KCNQ3: variants seen among roughly 807,000 people sequenced by gnomAD.
KCNQ3 encodes potassium voltage-gated channel subfamily KQT member 3.
In KCNQ3, 30 loss-of-function variants were observed where a neutral mutation model predicts 92.5. The observed-to-expected ratio is 0.32, with a 90% confidence interval of 0.24 to 0.44. The LOEUF (loss-of-function observed/expected upper bound fraction) is 0.44, where lower values mean the gene tolerates loss of function less well. Among genes scored for constraint, KCNQ3 ranks in the 20% least tolerant of loss-of-function variants. The pLI is 1.00. For synonymous variants in KCNQ3, 450 were observed against 468.8 expected (o/e 0.96, Z 0.52); for missense variants, 913 against 1,140.3 (o/e 0.80, Z 2.87).
intron 1 of KCNQ3, among the ~76,000 whole-genome samples, chr8:132,286,852 G>A (rs572199160): frequency 4.1e-4 from 62 of 152,308 alleles, no homozygotes; most frequent in African/African-American, 1.3e-3. Flanking sequence ...GAATGGATTA[G>A]TTCCCATCCC....
chr8:132,269,011 A>G (rs1332199872), intron 1 of KCNQ3, among the ~76,000 whole-genome samples: 1 of 152,180 alleles, frequency 6.6e-6, no homozygotes, highest in East Asian at 1.9e-4. Context: ...ACATCTTTTC[A>G]TATACTTATT....
intron 1 of KCNQ3, among the ~76,000 whole-genome samples, chr8:132,253,067 G>A (rs1264517517): frequency 3.9e-5 from 6 of 152,114 alleles, no homozygotes; most frequent in African/African-American, 1.4e-4. Context: ...ATTTTACAAC[G>A]GCACTTCTGC....
intron 4 of KCNQ3, among the ~76,000 whole-genome samples, chr8:132,176,493 ACTGT>A (rs777115445): frequency 6.6e-6 from 1 of 152,210 alleles, no homozygotes; most frequent in African/African-American, 2.4e-5. Context: ...GAGATTTAAG[ACTGT>A]CTGTCATTCT....
At chr8:132,471,928 T>A (rs975734558) in intron 1 of KCNQ3, among the ~76,000 whole-genome samples, 7 of 151,488 alleles carry the variant, frequency 4.6e-5, no homozygotes, top group African/African-American at 1.7e-4. Context: ...AAACAAATAA[T>A]CCCATTACAA....
intron 1 of KCNQ3, among the ~76,000 whole-genome samples, chr8:132,323,936 C>T (rs188406195): frequency 6.6e-6 from 1 of 152,294 alleles, no homozygotes; most frequent in East Asian, 1.9e-4. Context: ...CAATCAAGAC[C>T]CTCCAGTCTG....
chr8:132,135,199 G>T (rs964925890), intron 12 of KCNQ3, among the ~76,000 whole-genome samples: 1 of 152,160 alleles, frequency 6.6e-6, no homozygotes, highest in Admixed American at 6.5e-5. Context: ...GCATTAGTTT[G>T]CTAAGGATAA....
chr8:132,204,313 A>G (rs539247663), intron 1 of KCNQ3, among the ~76,000 whole-genome samples: 14 of 152,280 alleles, frequency 9.2e-5, no homozygotes, highest in African/African-American at 1.2e-4. Context: ...GCCTTATTCT[A>G]TGTTTTCATA....
At chr8:132,391,953 C>T (rs531081950) in intron 1 of KCNQ3, among the ~76,000 whole-genome samples, 4 of 152,206 alleles carry the variant, frequency 2.6e-5, no homozygotes, top group South Asian at 4.1e-4. Flanking sequence ...AAAGCCTCAC[C>T]GAATATACAC....
chr8:132,380,124 C>T (rs981427666), intron 1 of KCNQ3, among the ~76,000 whole-genome samples: 1 of 152,066 alleles, frequency 6.6e-6, no homozygotes, highest in Non-Finnish European at 1.5e-5. Context: ...TAGCCCATTG[C>T]CTCATTTTTG....
At chr8:132,372,773 CA>C (rs60597689) in intron 1 of KCNQ3, among the ~76,000 whole-genome samples, 19 of 104,114 alleles carry the variant, frequency 1.8e-4, no homozygotes, top group East Asian at 1.6e-3. Flanking sequence ...AAAAAAAAAA[CA>C]AAAAAAAAAA....
rs769759916 is a variant in KCNQ3 at position 132,124,734 on chromosome 8, C to A, written c.*4528G>T. The A allele has an allele frequency of 1.3e-5, 2 of 152,174 alleles. No individual in the cohort carries two copies. The highest frequency in any genetic ancestry group is 1.9e-4 in the East Asian group (1 of 5,204). The allele number at this position is 152,174 out of a possible 1,614,324, so 9.4% of individuals were successfully genotyped here. ...TTAAAAGTTCATCCTGAAAAACAAG[C>A]CTTCAAGGACAAGTGAGGACATGAA... On this transcript the variant is annotated 3_prime_UTR_variant, in exon 15 of 15. Transcript: ENST00000388996.
chr8:132,260,082 A>G (rs1451677779), intron 1 of KCNQ3, among the ~76,000 whole-genome samples: 4 of 152,190 alleles, frequency 2.6e-5, no homozygotes, highest in East Asian at 1.9e-4. Flanking sequence ...TCCCAAATTT[A>G]TCTACAGAGT....
At chr8:132,464,579 T>C (rs1374290183) in intron 1 of KCNQ3, among the ~76,000 whole-genome samples, 2 of 152,220 alleles carry the variant, frequency 1.3e-5, no homozygotes. Context: ...TCAGCAACTT[T>C]CCTTCAGTGT....
At chr8:132,452,994 G>C (rs1201453224) in intron 1 of KCNQ3, among the ~76,000 whole-genome samples, 1 of 138,316 alleles carries the variant, frequency 7.2e-6, no homozygotes, top group East Asian at 2.2e-4. Flanking sequence ...TGCTTGGAAG[G>C]ATATAAAAAT....
At chr8:132,315,013 G>T (rs1286995237) in intron 1 of KCNQ3, among the ~76,000 whole-genome samples, 1 of 152,246 alleles carries the variant, frequency 6.6e-6, no homozygotes, top group African/African-American at 2.4e-5. Flanking sequence ...ATTGGACCTA[G>T]TTATGAACTT....
chr8:132,260,708 A>T (rs1364708408), intron 1 of KCNQ3, among the ~76,000 whole-genome samples: 1 of 152,084 alleles, frequency 6.6e-6, no homozygotes, highest in Non-Finnish European at 1.5e-5. Flanking sequence ...CTCTGCTTGG[A>T]ACCGCCTCAG....
At chr8:132,282,641 C>A (rs1029835868) in intron 1 of KCNQ3, among the ~76,000 whole-genome samples, 2 of 152,208 alleles carry the variant, frequency 1.3e-5, no homozygotes, top group Non-Finnish European at 2.9e-5. Flanking sequence ...TTTGCCAGGG[C>A]TGCTTGGCAT....
chr8:132,458,436 A>G (rs1821991592), intron 1 of KCNQ3, among the ~76,000 whole-genome samples: 1 of 152,174 alleles, frequency 6.6e-6, no homozygotes, highest in Non-Finnish European at 1.5e-5. Context: ...TTTAAAATAG[A>G]CTTTATTTTT....
At chr8:132,386,138 C>T (rs1819885834) in intron 1 of KCNQ3, among the ~76,000 whole-genome samples, 1 of 152,098 alleles carries the variant, frequency 6.6e-6, no homozygotes, top group South Asian at 2.1e-4. Context: ...GCATACTCTC[C>T]TGATTGGAAA....
Sources: allele counts gnomAD v4.1 joint callset (sites outside exome capture counted in the v4.1 genomes callset), GRCh38; gene constraint gnomAD v4.1.1; transcripts MANE v1.5; gene names NCBI Gene and HGNC (gene_info 2026-07-23, HGNC 2026-07-21).